COL19A1: variants seen among roughly 807,000 people sequenced by gnomAD.
COL19A1 encodes the protein collagen alpha-1(XIX) chain.
COL19A1 carries 159 observed loss-of-function variants against 190.2 expected under a neutral mutation model. The observed-to-expected ratio is 0.84, with a 90% confidence interval of 0.73 to 0.95. The LOEUF is 0.95. Among genes scored for constraint, COL19A1 ranks in the 40% least tolerant of loss-of-function variants. The pLI is 0.00. For missense variants in COL19A1, 1,418 were observed against 1,431.9 expected (o/e 0.99, Z 0.16); for synonymous variants, 509 against 458.9 (o/e 1.11, Z -1.39).
At chr6:70,182,429 G>T (rs979350497) in intron 44 of COL19A1, among the ~76,000 whole-genome samples, 6 of 152,174 alleles carry the variant, frequency 3.9e-5, no homozygotes, top group Non-Finnish European at 5.9e-5. Context: ...CAGGTATTCA[G>T]GTGGAGATGT....
At chr6:69,914,748 G>T (rs1485571218) in intron 4 of COL19A1, among the ~76,000 whole-genome samples, 4 of 152,152 alleles carry the variant, frequency 2.6e-5, no homozygotes, top group Non-Finnish European at 5.9e-5. Context: ...TGAGCTGGTT[G>T]AAGAATTACC....
At chr6:69,984,553 T>A (rs952396786) in intron 11 of COL19A1, among the ~76,000 whole-genome samples, 5 of 152,130 alleles carry the variant, frequency 3.3e-5, no homozygotes, top group African/African-American at 1.2e-4. Context: ...TGTTCTTAAG[T>A]CGCAAGCCCT....
intron 11 of COL19A1, among the ~76,000 whole-genome samples, chr6:69,972,523 C>G (rs1289816522): frequency 6.6e-6 from 1 of 152,086 alleles, no homozygotes; most frequent in Non-Finnish European, 1.5e-5. Flanking sequence ...TTCTTTTCAG[C>G]CTCCAGAAGT....
chr6:69,958,674 C>T (rs766531379), intron 9 of COL19A1, among the ~76,000 whole-genome samples: 4 of 151,876 alleles, frequency 2.6e-5, no homozygotes, highest in East Asian at 1.9e-4. Flanking sequence ...GCTGTTTTAC[C>T]GTAGAATACT....
At chr6:70,088,925 C>T (rs933464231) in intron 15 of COL19A1, among the ~76,000 whole-genome samples, 6 of 152,028 alleles carry the variant, frequency 3.9e-5, no homozygotes, top group African/African-American at 1.4e-4. Flanking sequence ...CGATTGTTTC[C>T]AACATTAGCT....
intron 9 of COL19A1, among the ~76,000 whole-genome samples, chr6:69,944,127 G>A (rs772061804): frequency 6.6e-6 from 1 of 152,010 alleles, no homozygotes; most frequent in Non-Finnish European, 1.5e-5. Context: ...CACTTGGCTC[G>A]CTCTCTTCTT....
chr6:69,968,942 A>G (rs1007324637), intron 11 of COL19A1, among the ~76,000 whole-genome samples: 5 of 152,348 alleles, frequency 3.3e-5, no homozygotes, highest in South Asian at 2.1e-4. Context: ...TGATGGTGAC[A>G]TATCGTAAAA....
chr6:70,204,012 C>G (rs1420468536), intron 49 of COL19A1, among the ~76,000 whole-genome samples: 1 of 152,128 alleles, frequency 6.6e-6, no homozygotes, highest in Non-Finnish European at 1.5e-5. Flanking sequence ...AGGTGCCCAC[C>G]ACCATGCCCA....
intron 2 of COL19A1, among the ~76,000 whole-genome samples, chr6:69,897,774 G>A (rs1769892300): frequency 6.6e-6 from 1 of 152,074 alleles, no homozygotes; most frequent in African/African-American, 2.4e-5. Context: ...TGTATTAAGA[G>A]TTCTGAGATA....
intron 9 of COL19A1, among the ~76,000 whole-genome samples, chr6:69,944,542 G>GT (rs1404435611): frequency 6.6e-6 from 1 of 151,968 alleles, no homozygotes; most frequent in Non-Finnish European, 1.5e-5. Context: ...TTCTACTACA[G>GT]TTTTTTCTTT....
At chr6:69,925,659 C>A (rs1404526122) in intron 4 of COL19A1, among the ~76,000 whole-genome samples, 2 of 152,234 alleles carry the variant, frequency 1.3e-5, no homozygotes, top group East Asian at 1.9e-4. Context: ...GGCATTGAAT[C>A]TATAAATTAT....
chr6:70,057,543 T>C (rs1780571373), intron 14 of COL19A1, among the ~76,000 whole-genome samples: 1 of 152,110 alleles, frequency 6.6e-6, no homozygotes, highest in Non-Finnish European at 1.5e-5. Flanking sequence ...ATAACTTGAT[T>C]GTTTCTATTT....
chr6:69,997,586 A>G (rs1053867039), intron 11 of COL19A1, among the ~76,000 whole-genome samples: 1 of 152,224 alleles, frequency 6.6e-6, no homozygotes, highest in African/African-American at 2.4e-5. Flanking sequence ...TTCAGAGTAC[A>G]ATAATCCAAA....
At chr6:70,152,684 G>T (rs1363636534) in intron 31 of COL19A1, among the ~76,000 whole-genome samples, 1 of 152,092 alleles carries the variant, frequency 6.6e-6, no homozygotes. Context: ...GAAGTTCTCA[G>T]CAGTTAAGTA....
intron 14 of COL19A1, among the ~76,000 whole-genome samples, chr6:70,042,890 TACC>T (rs545089366): frequency 1.1e-3 from 161 of 152,344 alleles, no homozygotes; most frequent in African/African-American, 3.8e-3. Context: ...TATTCAAGCT[TACC>T]ATGAGAGTGC....
intron 6 of COL19A1, among the ~76,000 whole-genome samples, chr6:69,932,058 A>AT (rs948930867): frequency 4.6e-5 from 7 of 152,088 alleles, no homozygotes; most frequent in Admixed American, 4.6e-4. Context: ...TTATATTGCT[A>AT]TTTTATCAAT....
intron 19 of COL19A1, among the ~76,000 whole-genome samples, chr6:70,138,811 C>G (rs1786047967): frequency 6.6e-6 from 1 of 152,090 alleles, no homozygotes; most frequent in African/African-American, 2.4e-5. Flanking sequence ...TCTTACACAA[C>G]TACAGGATTT....
At chr6:69,997,087 G>A (rs908819467) in intron 11 of COL19A1, among the ~76,000 whole-genome samples, 1 of 151,392 alleles carries the variant, frequency 6.6e-6, no homozygotes, top group Non-Finnish European at 1.5e-5. Flanking sequence ...GTAGAAAAAG[G>A]AGAAGGATCA....
At chr6:70,146,547 A>C (rs1786658870) in intron 25 of COL19A1, 112 bp from the exon 26 acceptor site, 1 of 694,398 alleles carries the variant, frequency 1.4e-6, no homozygotes, top group Non-Finnish European at 2.2e-6. Flanking sequence ...TTTTATAGAA[A>C]AAGATTTATT....
Sources: allele counts gnomAD v4.1 joint callset (sites outside exome capture counted in the v4.1 genomes callset), GRCh38; gene constraint gnomAD v4.1.1; transcripts MANE v1.5; gene names NCBI Gene and HGNC (gene_info 2026-07-23, HGNC 2026-07-21).